The following ZNF69 variants were observed in gnomAD, a reference collection of about 807,000 sequenced individuals.
ZNF69 encodes zinc finger protein 69, also known as ZNF3.
A neutral mutation model predicts 50.9 loss-of-function variants in ZNF69; 47 were observed. The ratio of observed to expected loss-of-function variants is 0.92; its 90% CI spans 0.73 to 1.18. The LOEUF is 1.18. Ranked by LOEUF, ZNF69 falls within the 50% of genes most tolerant of loss-of-function variation. ZNF69 has a pLI of 0.00. For missense variants in ZNF69, 717 were observed against 675.1 expected, an observed-to-expected ratio of 1.06 and a Z score of -0.69; for synonymous variants, 216 against 223.1, an observed-to-expected ratio of 0.97 and a Z score of 0.29.
At chr19:11,908,232 A>G (rs1568281910), downstream of ZNF69, among the ~76,000 whole-genome samples, 1 of 152,248 alleles carries the variant, frequency 6.6e-6, no homozygotes, top group African/African-American at 2.4e-5. Context: ...GGGAGACTTT[A>G]ACATCCCACT....
the ZNF69 span, among the ~76,000 whole-genome samples, chr19:11,942,999 A>G: frequency 6.6e-6 from 1 of 152,204 alleles, no homozygotes; most frequent in Admixed American, 6.5e-5. Flanking sequence ...AATAGTGGTT[A>G]ATGTAATACA....
chr19:11,927,336 CAG>C, the ZNF69 span, among the ~76,000 whole-genome samples: 7 of 151,952 alleles, frequency 4.6e-5, no homozygotes, highest in South Asian at 1.0e-3. Context: ...GTGTGGGTAA[CAG>C]AGTGAGACCC....
the ZNF69 span, chr19:11,953,266 A>C: frequency 2.0e-5 from 3 of 152,260 alleles, no homozygotes; most frequent in African/African-American, 7.2e-5. Flanking sequence ...AGACAGTAAC[A>C]ATAGAAGTGC....
chr19:11,963,074 T>TGA, the ZNF69 span, among the ~76,000 whole-genome samples: 86 of 134,452 alleles, frequency 6.4e-4, 1 homozygote, highest in East Asian at 8.8e-3. Context: ...GGTAGTTTGG[T>TGA]GAGAGAGAGA....
chr19:11,906,377 T>G lies in ZNF69; in HGVS notation c.*279T>G. Reference sequence around the variant, plus strand: ...ATCTAAGAATGGACAGTCTGCCTCCTCAAGTGGGTCCCTGATCTCCAAGTA... The same window carrying G: ...ATCTAAGAATGGACAGTCTGCCTCCGCAAGTGGGTCCCTGATCTCCAAGTA... On this transcript the variant is annotated 3_prime_UTR_variant, in exon 4 of 4. Transcript: ENST00000429654. 1.4e-6 allele frequency: 1 copy of G among 730,740 alleles called. No homozygotes were observed. The highest frequency in any genetic ancestry group is 1.8e-6 in the Non-Finnish European group (1 of 546,026). 45.3% of individuals were successfully genotyped at this position (730,740 alleles called of 1,614,324 possible). A position where few individuals can be genotyped will look rare whatever the true frequency, so the allele number is the denominator to read the frequency against.
At chr19:11,952,200 G>T in the ZNF69 span, among the ~76,000 whole-genome samples, 7 of 152,156 alleles carry the variant, frequency 4.6e-5, no homozygotes, top group African/African-American at 1.7e-4. Context: ...ACTTGGCCTT[G>T]TGATGAGGGG....
At chr19:11,917,287 CCACTGACT>C (rs1230473230), downstream of ZNF69, among the ~76,000 whole-genome samples, 2 of 152,236 alleles carry the variant, frequency 1.3e-5, no homozygotes, top group East Asian at 3.8e-4. Flanking sequence ...TCAGAACCTT[CCACTGACT>C]CACAGTGAGC....
chr19:11,962,607 C>A, the ZNF69 span, among the ~76,000 whole-genome samples: 9 of 152,218 alleles, frequency 5.9e-5, no homozygotes, highest in South Asian at 2.1e-4. Context: ...GTGACCCCCC[C>A]CCACCTCAGC....
chr19:11,948,084 G>A, the ZNF69 span, among the ~76,000 whole-genome samples: 7 of 152,184 alleles, frequency 4.6e-5, no homozygotes, highest in Admixed American at 6.5e-5. Context: ...AGCCCCTTAT[G>A]AATATTTTTT....
chr19:11,894,849 T>G (rs1977185944), intron 1 of ZNF69, among the ~76,000 whole-genome samples: 3 of 152,200 alleles, frequency 2.0e-5, no homozygotes, highest in Admixed American at 2.0e-4. Context: ...ATTCCTGTCC[T>G]CTGGATTGTG....
chr19:11,909,225 C>T (rs764431510), downstream of ZNF69, among the ~76,000 whole-genome samples: 63 of 152,192 alleles, frequency 4.1e-4, 1 homozygote, highest in Admixed American at 2.6e-4. Context: ...GGATTCACAG[C>T]TGAATTCTAC....
chr19:11,931,771 T>G, the ZNF69 span, among the ~76,000 whole-genome samples: 1 of 148,162 alleles, frequency 6.7e-6, no homozygotes, highest in Non-Finnish European at 1.5e-5. Flanking sequence ...TTTTGCATAA[T>G]AATCATTTTT....
At chr19:11,889,345 A>G (rs1977025683) in intron 1 of ZNF69, among the ~76,000 whole-genome samples, 1 of 152,154 alleles carries the variant, frequency 6.6e-6, no homozygotes, top group Non-Finnish European at 1.5e-5. Flanking sequence ...TCCTAAAGGG[A>G]GAGGGTATAA....
At chr19:11,888,797 G>A (rs1181590849) in intron 1 of ZNF69, among the ~76,000 whole-genome samples, 2 of 151,998 alleles carry the variant, frequency 1.3e-5, no homozygotes, top group Non-Finnish European at 2.9e-5. Context: ...GTGAAACCCC[G>A]TCTCTACTAA....
the ZNF69 span, chr19:11,948,230 G>T: frequency 1.3e-6 from 2 of 1,580,600 alleles, no homozygotes; most frequent in Non-Finnish European, 1.7e-6. Flanking sequence ...TAATATAGAA[G>T]TACTTGTAAA....
the ZNF69 span, among the ~76,000 whole-genome samples, chr19:11,935,212 AGGT>A: frequency 8.2e-6 from 1 of 122,504 alleles, no homozygotes. Flanking sequence ...CTTTGTGGGG[AGGT>A]ATACTTGGAA....
At chr19:11,976,430 C>T in the ZNF69 span, among the ~76,000 whole-genome samples, 1 of 151,828 alleles carries the variant, frequency 6.6e-6, no homozygotes, top group Non-Finnish European at 1.5e-5. Context: ...GTGGCACATG[C>T]CTGTGGTCTC....
At chr19:11,915,493 C>A (rs1972514415), downstream of ZNF69, among the ~76,000 whole-genome samples, 1 of 152,146 alleles carries the variant, frequency 6.6e-6, no homozygotes, top group Non-Finnish European at 1.5e-5. Context: ...CAAGGAGCAC[C>A]CCAAAGAGGA....
chr19:11,934,996 T>C, the ZNF69 span, among the ~76,000 whole-genome samples: 3 of 146,100 alleles, frequency 2.1e-5, no homozygotes, highest in African/African-American at 5.5e-5. Context: ...GCTAACACTG[T>C]GAAACCCCGT....
Sources: gnomAD v4.1 joint callset for allele counts (sites outside exome capture counted in the v4.1 genomes callset) on GRCh38, gnomAD v4.1.1 for gene constraint, MANE v1.5 for transcripts, NCBI Gene and HGNC (gene_info 2026-07-23, HGNC 2026-07-21) for gene names.